The following MEGF11 variants were observed in gnomAD, a reference collection of about 807,000 sequenced individuals.
MEGF11 encodes multiple EGF like domains 11.
Under a neutral mutation model 146.6 loss-of-function variants are expected in MEGF11, and 126 were observed. The observed-to-expected ratio is 0.86, with a 90% CI of 0.74 to 1.00. The LOEUF is 1.00. Ranked by LOEUF, MEGF11 falls within the 50% of genes least tolerant of loss-of-function variation. The pLI is 0.00. For synonymous variants in MEGF11, 532 were observed against 583.4 expected (o/e 0.91, Z 1.27); for missense variants, 1,509 against 1,521.2 (o/e 0.99, Z 0.13).
chr15:66,038,851 T>C (rs1368877641), intron 5 of MEGF11, among the ~76,000 whole-genome samples: 2 of 152,162 alleles, frequency 1.3e-5, no homozygotes, highest in Non-Finnish European at 2.9e-5. Context: ...GAGCAGCACC[T>C]GGATCCAAAG....
intron 1 of MEGF11, among the ~76,000 whole-genome samples, chr15:66,220,238 A>G (rs149662528): frequency 1.6e-3 from 249 of 152,208 alleles, no homozygotes; most frequent in African/African-American, 5.9e-3. Context: ...TGTCGTTTTA[A>G]GAACCCCCCA....
At chr15:66,140,227 T>C (rs1046916080) in intron 1 of MEGF11, among the ~76,000 whole-genome samples, 1 of 152,148 alleles carries the variant, frequency 6.6e-6, no homozygotes, top group Admixed American at 6.5e-5. Context: ...CCAGAGAAAT[T>C]TGATCCTATT....
At chr15:66,191,062 A>T (rs1298326382) in intron 1 of MEGF11, among the ~76,000 whole-genome samples, 1 of 152,188 alleles carries the variant, frequency 6.6e-6, no homozygotes, top group Non-Finnish European at 1.5e-5. Flanking sequence ...CAGGGATGGA[A>T]GAAAAGCAAG....
intron 5 of MEGF11, among the ~76,000 whole-genome samples, chr15:66,036,119 G>T (rs983220785): frequency 4.6e-5 from 7 of 152,258 alleles, no homozygotes; most frequent in African/African-American, 1.7e-4. Context: ...CATCCCTGGG[G>T]ACAACCTTCA....
chr15:66,191,368 A>C (rs571729973), intron 1 of MEGF11, among the ~76,000 whole-genome samples: 1 of 152,210 alleles, frequency 6.6e-6, no homozygotes, highest in African/African-American at 2.4e-5. Flanking sequence ...CAGGGGTTTC[A>C]ATGGATGCTC....
At chr15:65,915,336 A>C in intron 19 of MEGF11, 134 bp downstream of exon 19, 1 of 1,221,294 alleles carries the variant, frequency 8.2e-7, no homozygotes, top group Non-Finnish European at 1.1e-6. Context: ...TCTGCAGCCC[A>C]CCCTATTCCT....
intron 1 of MEGF11, among the ~76,000 whole-genome samples, chr15:66,152,287 G>GAT (rs2089598973): frequency 6.6e-6 from 1 of 152,118 alleles, no homozygotes. Context: ...AGGGTAGGAA[G>GAT]GGCAAGAAAG....
intron 4 of MEGF11, among the ~76,000 whole-genome samples, chr15:66,099,207 T>TTTTC (rs1555470546): frequency 7.0e-6 from 1 of 142,692 alleles, no homozygotes; most frequent in Non-Finnish European, 1.5e-5. Flanking sequence ...CCTTTTTCTT[T>TTTTC]TTTTTTTTTT....
chr15:66,138,453 T>C (rs990449677), intron 1 of MEGF11, among the ~76,000 whole-genome samples: 1 of 152,364 alleles, frequency 6.6e-6, no homozygotes, highest in Non-Finnish European at 1.5e-5. Context: ...TTGTCAGCTG[T>C]ATTCAGAATA....
intron 1 of MEGF11, among the ~76,000 whole-genome samples, chr15:66,152,095 C>T (rs2089591530): frequency 6.6e-6 from 1 of 152,216 alleles, no homozygotes; most frequent in South Asian, 2.1e-4. Flanking sequence ...GGAGCTCTAG[C>T]ACCACCTTGC....
chr15:66,113,999 T>C (rs1484541875), intron 4 of MEGF11, among the ~76,000 whole-genome samples: 1 of 152,202 alleles, frequency 6.6e-6, no homozygotes, highest in East Asian at 1.9e-4. Flanking sequence ...TCAAATCTTC[T>C]GAATCAGAGA....
chr15:65,937,117 A>G (rs1021395950), intron 10 of MEGF11, among the ~76,000 whole-genome samples: 3 of 152,160 alleles, frequency 2.0e-5, no homozygotes, highest in African/African-American at 7.2e-5. Context: ...GTGGGCCCGC[A>G]AGGCAGAGCT....
chr15:65,945,484 C>T (rs1218799867), intron 10 of MEGF11, among the ~76,000 whole-genome samples: 2 of 152,114 alleles, frequency 1.3e-5, no homozygotes, highest in Non-Finnish European at 2.9e-5. Flanking sequence ...TGAGGAGGGG[C>T]TCAGCCCTGG....
intron 1 of MEGF11, among the ~76,000 whole-genome samples, chr15:66,154,964 G>A (rs2089702115): frequency 6.6e-6 from 1 of 152,212 alleles, no homozygotes; most frequent in Non-Finnish European, 1.5e-5. Flanking sequence ...CAAGCTCTCT[G>A]AGAGCCAACA....
chr15:66,097,449 AG>A (rs2086602010), intron 4 of MEGF11, among the ~76,000 whole-genome samples: 1 of 152,184 alleles, frequency 6.6e-6, no homozygotes, highest in East Asian at 1.9e-4. Flanking sequence ...CCCCCATGCC[AG>A]TGACTGCCTG....
intron 5 of MEGF11, among the ~76,000 whole-genome samples, chr15:66,092,010 A>G (rs1415085712): frequency 6.6e-6 from 1 of 152,228 alleles, no homozygotes; most frequent in Non-Finnish European, 1.5e-5. Context: ...TTCTATACAC[A>G]CAGACTGTGG....
chr15:66,240,130 C>T (rs1200100425), intron 1 of MEGF11, among the ~76,000 whole-genome samples: 3 of 152,228 alleles, frequency 2.0e-5, no homozygotes, highest in Admixed American at 6.5e-5. Flanking sequence ...ACAAAGACTT[C>T]GCTCAAGCTC....
intron 1 of MEGF11, among the ~76,000 whole-genome samples, chr15:66,208,636 C>G (rs975834426): frequency 6.6e-6 from 1 of 152,120 alleles, no homozygotes; most frequent in African/African-American, 2.4e-5. Flanking sequence ...AATCTCAGCA[C>G]TTTGGGAGGT....
At chr15:66,189,195 C>T (rs1030111814) in intron 1 of MEGF11, among the ~76,000 whole-genome samples, 13 of 152,172 alleles carry the variant, frequency 8.5e-5, no homozygotes, top group Non-Finnish European at 1.8e-4. Context: ...GAGACAGTCA[C>T]TTGTGTTCTG....
Sources: allele counts gnomAD v4.1 joint callset (sites outside exome capture counted in the v4.1 genomes callset), GRCh38; gene constraint gnomAD v4.1.1; transcripts MANE v1.5; gene names NCBI Gene and HGNC (gene_info 2026-07-23, HGNC 2026-07-21).